Variants in ATP13A4 observed in about 807,000 individuals in gnomAD.
ATP13A4 encodes ATPase 13A4.
In ATP13A4, 114 loss-of-function variants were observed where a neutral mutation model predicts 142.5. The observed-to-expected ratio is 0.80, with a 90% CI of 0.69 to 0.93. The LOEUF (loss-of-function observed/expected upper bound fraction) is 0.93, where lower values mean the gene tolerates loss of function less well. Ranked by LOEUF, ATP13A4 falls within the 40% of genes least tolerant of loss-of-function variation. The probability of loss-of-function intolerance (pLI) is 0.00; values close to 1 mark genes in which losing one functional copy is unlikely to be tolerated. For missense variants in ATP13A4, 1,392 were observed against 1,454.0 expected, an observed-to-expected ratio of 0.96 and a Z score of 0.69; for synonymous variants, 488 against 514.8, an observed-to-expected ratio of 0.95 and a Z score of 0.70.
rs760262382 is a variant in ATP13A4 at position 193,492,981 on chromosome 3, G to C, written c.469C>G (p.Leu157Val). Residue 157 changes from leucine (L) to valine (V), a missense_variant, in exon 5 of 30, where the codon CTT becomes GTT. Leu to Val is a conservative substitution (Grantham distance 32). Coordinates refer to ENST00000342695, the MANE Select transcript of ATP13A4 (RefSeq NM_032279.4). ...FQKIGSLEDW[L>V]SSAKIHQKFG... The stretch of plus-strand genomic sequence containing the variant: ...TTTTGATGTATCTTGGCAGAACTAA[G>C]CCAGTCTTCCAAAGAACTAAAATAA... 1.2e-6 allele frequency: 2 copies of C among 1,609,902 alleles called. No individual in the cohort carries two copies. Among genetic ancestry groups the C allele is most frequent in the Admixed American group, 3.3e-5 (2 of 59,968 alleles).
intron 3 of ATP13A4, among the ~76,000 whole-genome samples, chr3:193,493,981 A>G (rs193007559): frequency 4.4e-4 from 67 of 152,250 alleles, no homozygotes; most frequent in Admixed American, 1.8e-3. Context: ...AGAAAAGAGT[A>G]GAAATAGTTA....
intron 2 of ATP13A4, among the ~76,000 whole-genome samples, chr3:193,505,092 G>C (rs1025304424): frequency 6.6e-6 from 1 of 152,142 alleles, no homozygotes; most frequent in Admixed American, 6.6e-5. Context: ...ACTGAGACCT[G>C]AGTCCAGATC....
rs183504942 is a variant in ATP13A4, at chr3:193,402,201, C to G, written c.*451G>C. On this transcript the variant is annotated 3_prime_UTR_variant, in exon 30 of 30. Coordinates refer to ENST00000342695, the MANE Select transcript of ATP13A4 (RefSeq NM_032279.4). ...GTACTACAGAGAAAAGGAACCCAGA[C>G]AGTAAAGATTGGTGTAATGTTTCCC... The G allele has an allele frequency of 4.2e-3, 691 of 165,928 alleles. 5 individuals are homozygous for G. Among genetic ancestry groups the G allele is most frequent in the Non-Finnish European group, 5.7e-3 (434 of 76,066 alleles). The allele number at this position is 165,928 out of a possible 1,614,324, so 10.3% of individuals were successfully genotyped here. A position where few individuals can be genotyped will look rare whatever the true frequency, so the allele number is the denominator to read the frequency against.
chr3:193,410,962 A>G lies in ATP13A4; in HGVS notation c.3297+20T>C. ...TTACATAACTGTAAAGCATCATCAT[A>G]TCCCAAAGATTAGACTTACATCCAA... On this transcript the variant is annotated intron_variant, in intron 28 of 29. Transcript: ENST00000342695. 1 of 1,449,250 alleles carries G rather than the reference A, an allele frequency of 6.9e-7. No individual in the cohort carries two copies. Among genetic ancestry groups the G allele is most frequent in the East Asian group, 2.3e-5 (1 of 43,966 alleles). The allele number at this position is 1,449,250 out of a possible 1,614,324, so 89.8% of individuals were successfully genotyped here. A position where few individuals can be genotyped will look rare whatever the true frequency, so the allele number is the denominator to read the frequency against.
rs755962128 is a variant in ATP13A4, at chr3:193,489,844, T to C, written c.624A>G (p.Ile208Met). ...ACAAACAGACACTGAAGAGTTGAAA[T>C]ATATAAAATGGATTTAGAACCTGTT... Reference protein sequence around the residue: ...LIKEVLNPFYIFQLFSVCLWF... With the variant: ...LIKEVLNPFYMFQLFSVCLWF... Residue 208 changes from isoleucine (I) to methionine (M), a missense_variant, in exon 7 of 30, where the codon ATA becomes ATG. Transcript: ENST00000342695. 6.2e-7 allele frequency: 1 copy of C among 1,613,008 alleles called. No homozygotes were observed. Among genetic ancestry groups the C allele is most frequent in the Non-Finnish European group, 8.5e-7 (1 of 1,179,278 alleles).
chr3:193,533,885 G>C (rs78270392), intron 1 of ATP13A4, among the ~76,000 whole-genome samples: 3 of 152,160 alleles, frequency 2.0e-5, no homozygotes, highest in African/African-American at 7.2e-5. Flanking sequence ...TATCAGTGGA[G>C]ACCATGTGGA....
At chr3:193,557,476 G>A (rs1171798932), upstream of ATP13A4, among the ~76,000 whole-genome samples, 1 of 152,198 alleles carries the variant, frequency 6.6e-6, no homozygotes, top group African/African-American at 2.4e-5. Flanking sequence ...TTCCACATAT[G>A]AGGCACAATT....
At chr3:193,491,500 T>TATGTTGGTCTCACAA in intron 5 of ATP13A4, 102 bp from the exon 6 acceptor site, 1 of 858,410 alleles carries the variant, frequency 1.2e-6, no homozygotes, top group Non-Finnish European at 2.0e-6. Flanking sequence ...CTTTCTCACT[T>TATGTTGGTCTCACAA]GTGAGACCAA....
At chr3:193,519,837 G>A (rs1381623710) in intron 1 of ATP13A4, among the ~76,000 whole-genome samples, 1 of 151,416 alleles carries the variant, frequency 6.6e-6, no homozygotes, top group African/African-American at 2.4e-5. Context: ...TACAGACGAG[G>A]TTTCACCATG....
intron 2 of ATP13A4, chr3:193,579,439 G>T: frequency 5.5e-6 from 1 of 182,968 alleles, no homozygotes; most frequent in South Asian, 1.4e-4. Context: ...TGGTTTTCAT[G>T]ACACCTGTGT....
intron 16 of ATP13A4, among the ~76,000 whole-genome samples, chr3:193,456,734 G>A (rs887089980): frequency 6.6e-6 from 1 of 152,150 alleles, no homozygotes; most frequent in Non-Finnish European, 1.5e-5. Context: ...TGATGAGACA[G>A]AGGCACTAAG....
intron 25 of ATP13A4, among the ~76,000 whole-genome samples, chr3:193,423,139 A>G (rs550667267): frequency 4.7e-5 from 7 of 150,112 alleles, no homozygotes; most frequent in African/African-American, 1.2e-4. Flanking sequence ...TCCTGGACAC[A>G]TACAACCTAC....
chr3:193,512,920 G>A (rs1380170397), intron 2 of ATP13A4, among the ~76,000 whole-genome samples: 1 of 152,144 alleles, frequency 6.6e-6, no homozygotes, highest in Non-Finnish European at 1.5e-5. Context: ...GAGTCTTCAG[G>A]AAGGATGACA....
chr3:193,585,766 T>A (rs1362925694), intron 1 of ATP13A4, among the ~76,000 whole-genome samples: 1 of 152,146 alleles, frequency 6.6e-6, no homozygotes, highest in Non-Finnish European at 1.5e-5. Flanking sequence ...GCTCCAGTTT[T>A]CAATTACCGT....
intron 9 of ATP13A4, among the ~76,000 whole-genome samples, chr3:193,470,013 G>A (rs1485584049): frequency 6.6e-6 from 1 of 152,186 alleles, no homozygotes; most frequent in East Asian, 1.9e-4. Context: ...AAGAAGGTGT[G>A]TACACTTGTC....
In ATP13A4 at chr3:193,440,614, A is replaced by C; in HGVS notation, c.2463T>G (p.Phe821Leu). The stretch of plus-strand genomic sequence containing the variant: ...ACTTCTGCCCAGGAGACATTCTTGC[A>C]AAGATGGTCCCATTGATCAATATCT... ...LPKILINGTI[F>L]ARMSPGQKSS... Residue 821 changes from phenylalanine to leucine, a missense_variant, in exon 21 of 30, where the codon TTT becomes TTG. By Grantham distance (22) the Phe-to-Leu change is conservative (BLOSUM62 0). Coordinates refer to ENST00000342695, the MANE Select transcript of ATP13A4 (RefSeq NM_032279.4). 4 of 1,614,102 alleles carry C rather than the reference A, an allele frequency of 2.5e-6. No homozygotes were observed. Among genetic ancestry groups the C allele is most frequent in the Non-Finnish European group, 3.4e-6 (4 of 1,179,934 alleles).
At chr3:193,450,264 AC>A (rs1453071265) in intron 17 of ATP13A4, among the ~76,000 whole-genome samples, 5 of 152,158 alleles carry the variant, frequency 3.3e-5, no homozygotes, top group African/African-American at 1.2e-4. Context: ...GAACAATCCC[AC>A]CTGATTCAAT....
At chr3:193,559,283 G>A (rs767944894), upstream of ATP13A4, among the ~76,000 whole-genome samples, 2 of 152,122 alleles carry the variant, frequency 1.3e-5, no homozygotes, top group Non-Finnish European at 2.9e-5. Context: ...GCTGTTCAAG[G>A]TCATGTGTCT....
chr3:193,430,279 C>A (rs912217309), intron 25 of ATP13A4, among the ~76,000 whole-genome samples: 1 of 152,086 alleles, frequency 6.6e-6, no homozygotes, highest in African/African-American at 2.4e-5. Context: ...GGGAACTCTG[C>A]TGACAAAGTT....
Sources: gnomAD v4.1 joint callset for allele counts (sites outside exome capture counted in the v4.1 genomes callset) on GRCh38, gnomAD v4.1.1 for gene constraint, MANE v1.5 for transcripts, NCBI Gene and HGNC (gene_info 2026-07-23, HGNC 2026-07-21) for gene names.